RASGRF2: variants seen among roughly 807,000 people sequenced by gnomAD.
The protein encoded by RASGRF2 is Ras protein specific guanine nucleotide releasing factor 2, also known as ras-specific guanine nucleotide-releasing factor 2.
In RASGRF2, 76 loss-of-function variants were observed where a neutral mutation model predicts 151.0. The observed-to-expected ratio is 0.50, with a 90% CI of 0.42 to 0.61. The LOEUF (loss-of-function observed/expected upper bound fraction) is 0.61, where lower values mean the gene tolerates loss of function less well. Ranked by LOEUF, RASGRF2 falls within the 20% of genes least tolerant of loss-of-function variation. RASGRF2 has a pLI of 0.00. For missense variants in RASGRF2, 1,148 were observed against 1,564.6 expected (o/e 0.73, Z 4.49); for synonymous variants, 504 against 566.5 (o/e 0.89, Z 1.57).
chr5:81,096,955 G>T (rs933776169), intron 12 of RASGRF2, among the ~76,000 whole-genome samples: 27 of 101,050 alleles, frequency 2.7e-4, no homozygotes, highest in Admixed American at 1.6e-3. Context: ...TGTTTTTTTT[G>T]TTTGTTTGTT....
chr5:81,080,703 T>G lies in RASGRF2; in HGVS notation c.1075T>G (p.Phe359Val), dbSNP rs755089133. ...VLANCKQNRD[F>V]DKLLKQYEAN... The stretch of plus-strand genomic sequence containing the variant: ...CGCCAATTGTAAGCAAAACAGAGAT[T>G]TTGACAAACTCTTAAAACAGTATGA... Residue 359 changes from phenylalanine (F) to valine (V), a missense_variant, in exon 7 of 27, where the codon TTT becomes GTT. Transcript: ENST00000265080. The G allele has an allele frequency of 9.9e-6, 16 of 1,614,036 alleles. No homozygotes were observed. Among genetic ancestry groups the G allele is most frequent in the Non-Finnish European group, 1.3e-5 (15 of 1,180,022 alleles).
At chr5:81,147,289 C>T (rs113876444) in intron 17 of RASGRF2, among the ~76,000 whole-genome samples, 6,352 of 151,888 alleles carry the variant, frequency 0.042, 178 homozygotes, top group Middle Eastern at 0.065. Flanking sequence ...TTTTTAACTT[C>T]GAAACACTTT....
At chr5:81,105,279 T>C (rs1041531712) in intron 12 of RASGRF2, among the ~76,000 whole-genome samples, 1 of 152,090 alleles carries the variant, frequency 6.6e-6, no homozygotes, top group Non-Finnish European at 1.5e-5. Context: ...ATTCCTGTAT[T>C]CCCCAGGGGT....
At chr5:81,010,830 A>G (rs998522044) in intron 1 of RASGRF2, among the ~76,000 whole-genome samples, 1 of 152,252 alleles carries the variant, frequency 6.6e-6, no homozygotes, top group African/African-American at 2.4e-5. Context: ...TAATAGCCAG[A>G]CATGTCCACC....
intron 26 of RASGRF2, among the ~76,000 whole-genome samples, chr5:81,223,125 CT>C (rs1755889307): frequency 6.6e-6 from 1 of 152,158 alleles, no homozygotes; most frequent in Non-Finnish European, 1.5e-5. Flanking sequence ...GATCAAAACA[CT>C]TACTATTGTA....
At chr5:81,217,570 TCTTC>T in intron 25 of RASGRF2, 97 bp downstream of exon 25, 1 of 522,414 alleles carries the variant, frequency 1.9e-6, no homozygotes, top group Non-Finnish European at 2.8e-6. Context: ...TTTTTTTTTC[TCTTC>T]TTTTTTTTTT....
chr5:81,089,507 T>C (rs760210759), intron 9 of RASGRF2, among the ~76,000 whole-genome samples: 8 of 152,230 alleles, frequency 5.3e-5, no homozygotes, highest in Non-Finnish European at 8.8e-5. Context: ...GTGATTGAAA[T>C]AATGAAAGTT....
At chr5:81,025,122 G>C (rs1749974022) in intron 1 of RASGRF2, among the ~76,000 whole-genome samples, 1 of 152,208 alleles carries the variant, frequency 6.6e-6, no homozygotes, top group East Asian at 1.9e-4. Flanking sequence ...CCTTGGCACT[G>C]GGTGGGATTC....
At chr5:81,078,483 T>A (rs199888166) in intron 5 of RASGRF2, among the ~76,000 whole-genome samples, 4 of 152,166 alleles carry the variant, frequency 2.6e-5, no homozygotes, top group African/African-American at 9.7e-5. Flanking sequence ...CAAATATGAG[T>A]GAGAACATGT....
At chr5:81,132,013 C>T (rs1354688530) in intron 17 of RASGRF2, among the ~76,000 whole-genome samples, 8 of 152,200 alleles carry the variant, frequency 5.3e-5, no homozygotes, top group African/African-American at 1.2e-4. Flanking sequence ...TATTGTCTCA[C>T]GTTCCCTGTT....
Position 81,208,388 on chromosome 5 carries a change from A to G in RASGRF2, c.3106A>G (p.Lys1036Glu). Residue 1036 changes from lysine to glutamate, a missense_variant, in exon 22 of 27, where the codon AAA becomes GAA. By Grantham distance (56) the Lys-to-Glu change is moderately conservative. Transcript: ENST00000265080. ...TGGGCAGGGGTGGATGAAGCTGGAT[A>G]AAAACGAAAGAACTCCTTACATTAT... The part of the protein sequence containing the change: ...FLGQGWMKLD[K>E]NERTPYIMKT... 1.9e-6 allele frequency: 3 copies of G among 1,614,084 alleles called. No homozygotes were observed. Among genetic ancestry groups the G allele is most frequent in the Non-Finnish European group, 2.5e-6 (3 of 1,180,002 alleles).
chr5:81,017,943 T>TAAC (rs1194005146), intron 1 of RASGRF2, among the ~76,000 whole-genome samples: 7 of 151,646 alleles, frequency 4.6e-5, no homozygotes, highest in East Asian at 1.9e-4. Flanking sequence ...AATAAAAATA[T>TAAC]AACAACAACA....
intron 17 of RASGRF2, among the ~76,000 whole-genome samples, chr5:81,133,326 A>G (rs1753671652): frequency 6.6e-6 from 1 of 152,182 alleles, no homozygotes; most frequent in African/African-American, 2.4e-5. Flanking sequence ...ACTGAAACAA[A>G]GGATGGTTGA....
At chr5:81,216,441 C>T (rs1380384352) in intron 24 of RASGRF2, among the ~76,000 whole-genome samples, 1 of 151,818 alleles carries the variant, frequency 6.6e-6, no homozygotes, top group East Asian at 1.9e-4. Flanking sequence ...AACTGGTATT[C>T]TCATGATCTA....
chr5:81,013,103 T>C (rs1428795162), intron 1 of RASGRF2, among the ~76,000 whole-genome samples: 2 of 152,300 alleles, frequency 1.3e-5, no homozygotes, highest in East Asian at 3.9e-4. Flanking sequence ...TTCTGTTATT[T>C]TCCTCTGAAG....
intron 1 of RASGRF2, among the ~76,000 whole-genome samples, chr5:80,994,161 C>A (rs113429400): frequency 1.3e-5 from 2 of 151,632 alleles, no homozygotes. Context: ...GTCAGGAGAT[C>A]GAGACCATCC....
intron 12 of RASGRF2, among the ~76,000 whole-genome samples, chr5:81,097,218 C>G (rs1039277602): frequency 6.6e-6 from 1 of 152,158 alleles, no homozygotes; most frequent in Non-Finnish European, 1.5e-5. Context: ...GCCTCGGCCT[C>G]CCAAAGTGCT....
At chr5:81,219,589 C>T (rs759493285) in intron 25 of RASGRF2, 121 bp from the exon 26 acceptor site, 3 of 716,070 alleles carry the variant, frequency 4.2e-6, no homozygotes, top group East Asian at 2.9e-5. Flanking sequence ...GCTCCACCCG[C>T]CTCACTGGAG....
At chr5:81,096,772 T>C (rs1450072679) in intron 12 of RASGRF2, among the ~76,000 whole-genome samples, 4 of 152,034 alleles carry the variant, frequency 2.6e-5, no homozygotes, top group South Asian at 4.1e-4. Flanking sequence ...CTAGCAAAGG[T>C]CTAAGTGAGT....
Sources: gnomAD v4.1 joint callset for allele counts (sites outside exome capture counted in the v4.1 genomes callset) on GRCh38, gnomAD v4.1.1 for gene constraint, MANE v1.5 for transcripts, NCBI Gene and HGNC (gene_info 2026-07-23, HGNC 2026-07-21) for gene names.